The following CNTNAP5 variants were observed in gnomAD, a reference collection of about 807,000 sequenced individuals.
CNTNAP5 encodes the protein contactin associated protein family member 5.
In CNTNAP5, 72 loss-of-function variants were observed where a neutral mutation model predicts 150.2. The observed-to-expected ratio is 0.48, with a 90% CI of 0.40 to 0.58. The LOEUF is 0.58. Ranked by LOEUF, CNTNAP5 falls within the 20% of genes least tolerant of loss-of-function variation. The pLI is 0.00. For synonymous variants in CNTNAP5, 672 were observed against 619.8 expected (o/e 1.08, Z -1.25); for missense variants, 1,636 against 1,626.2 (o/e 1.01, Z -0.10).
intron 21 of CNTNAP5, among the ~76,000 whole-genome samples, chr2:124,888,655 TG>T (rs1446735440): frequency 6.6e-6 from 1 of 152,110 alleles, no homozygotes; most frequent in Non-Finnish European, 1.5e-5. Flanking sequence ...TCATATGAGA[TG>T]GTATCTCATT....
At chr2:124,453,460 G>T (rs535852059) in intron 6 of CNTNAP5, among the ~76,000 whole-genome samples, 10 of 152,264 alleles carry the variant, frequency 6.6e-5, no homozygotes, top group Admixed American at 6.5e-4. Flanking sequence ...AAATATATTT[G>T]GGGGAATAAT....
rs983534358 is a variant in CNTNAP5, at chr2:124,608,611, A to T, written c.1757-1190A>T. ...ATAAACTGAACTTCGTTGTGCACTTACTACATGTTATGTACTATACTTAGT... is the reference window on the plus strand; with the variant it reads ...ATAAACTGAACTTCGTTGTGCACTTTCTACATGTTATGTACTATACTTAGT... On this transcript the variant is annotated intron_variant, in intron 11 of 23. Coordinates refer to ENST00000682447, the MANE Select transcript of CNTNAP5 (RefSeq NM_001367498.1). Among the ~76,000 whole-genome samples the T allele has an allele frequency of 1.3e-4, 20 of 152,260 alleles. No homozygotes were observed. The East Asian group carries it at 3.5e-3, about 27-fold the overall frequency.
chr2:124,780,730 C>T (rs1681432190), intron 17 of CNTNAP5, among the ~76,000 whole-genome samples: 1 of 152,146 alleles, frequency 6.6e-6, no homozygotes, highest in Non-Finnish European at 1.5e-5. Context: ...GTGCCCAGAC[C>T]AGAAATGGGA....
intron 12 of CNTNAP5, among the ~76,000 whole-genome samples, chr2:124,621,551 A>G (rs1026401893): frequency 2.6e-5 from 4 of 152,212 alleles, no homozygotes; most frequent in African/African-American, 9.6e-5. Context: ...GAAAGCTGCA[A>G]TTGAGGTCTC....
intron 6 of CNTNAP5, among the ~76,000 whole-genome samples, chr2:124,474,093 C>G (rs550013507): frequency 4.8e-4 from 73 of 152,144 alleles, no homozygotes; most frequent in Non-Finnish European, 8.7e-4. Flanking sequence ...TGACATCATA[C>G]TTTATACCCA....
At chr2:124,713,927 A>G (rs1170785858) in intron 13 of CNTNAP5, among the ~76,000 whole-genome samples, 1 of 152,094 alleles carries the variant, frequency 6.6e-6, no homozygotes, top group Non-Finnish European at 1.5e-5. Flanking sequence ...CTGTACTTCA[A>G]CGTTGCCTAA....
intron 7 of CNTNAP5, among the ~76,000 whole-genome samples, chr2:124,484,254 TTATTC>T (rs1693820914): frequency 6.6e-6 from 1 of 152,292 alleles, no homozygotes; most frequent in African/African-American, 2.4e-5. Flanking sequence ...ACAACAAACT[TTATTC>T]TAGTCTATTT....
chr2:124,135,515 A>G (rs1281894889), intron 1 of CNTNAP5, among the ~76,000 whole-genome samples: 2 of 152,244 alleles, frequency 1.3e-5, no homozygotes, highest in Non-Finnish European at 2.9e-5. Flanking sequence ...TAGGAAAAAA[A>G]AATTAGAAAA....
At chr2:124,040,621 C>CTGTGTG (rs58364625) in intron 1 of CNTNAP5, among the ~76,000 whole-genome samples, 29,082 of 144,900 alleles carry the variant, frequency 0.2, 3,170 homozygotes, top group South Asian at 0.32. Context: ...CTGTATGCCT[C>CTGTGTG]TGTGTGTGTG....
chr2:124,057,825 G>C (rs1331374901), intron 1 of CNTNAP5, among the ~76,000 whole-genome samples: 1 of 151,960 alleles, frequency 6.6e-6, no homozygotes, highest in African/African-American at 2.4e-5. Context: ...ACAAAAAGTA[G>C]TTAATTGTTT....
intron 13 of CNTNAP5, among the ~76,000 whole-genome samples, chr2:124,708,558 A>C (rs1679742434): frequency 6.6e-6 from 1 of 152,224 alleles, no homozygotes; most frequent in African/African-American, 2.4e-5. Context: ...TGGAGGTACA[A>C]GGAAAACACT....
chr2:124,292,202 C>T (rs1001627769), intron 3 of CNTNAP5, among the ~76,000 whole-genome samples: 2 of 151,804 alleles, frequency 1.3e-5, no homozygotes, highest in Non-Finnish European at 2.9e-5. Flanking sequence ...TTTTTATTCC[C>T]ATTCAATATT....
intron 6 of CNTNAP5, among the ~76,000 whole-genome samples, chr2:124,471,840 AGTTCT>A (rs1693523520): frequency 6.6e-6 from 1 of 151,924 alleles, no homozygotes. Context: ...TTTTGTCTTT[AGTTCT>A]GTTTATCCAC....
chr2:124,349,365 T>C (rs762843217), intron 3 of CNTNAP5, among the ~76,000 whole-genome samples: 8 of 152,226 alleles, frequency 5.3e-5, no homozygotes, highest in Middle Eastern at 3.2e-3. Flanking sequence ...TATAATTTTA[T>C]GAGACCACCA....
chr2:124,795,456 T>A (rs72847364), intron 18 of CNTNAP5, among the ~76,000 whole-genome samples: 1 of 152,090 alleles, frequency 6.6e-6, no homozygotes, highest in Non-Finnish European at 1.5e-5. Context: ...CGCTAACACA[T>A]CAAGCCCAAG....
At chr2:124,755,920 TA>T (rs1680831097) in intron 14 of CNTNAP5, among the ~76,000 whole-genome samples, 1 of 152,212 alleles carries the variant, frequency 6.6e-6, no homozygotes, top group Non-Finnish European at 1.5e-5. Flanking sequence ...TGTCACTTAT[TA>T]ACTAGAAAGC....
intron 3 of CNTNAP5, among the ~76,000 whole-genome samples, chr2:124,253,104 T>C (rs1448559216): frequency 6.6e-6 from 1 of 151,846 alleles, no homozygotes; most frequent in Non-Finnish European, 1.5e-5. Context: ...ACATCATCCA[T>C]GGGTTCCTGG....
At chr2:124,706,937 AAGAAGGAGGAGGAGG>A (rs1679674227) in intron 13 of CNTNAP5, among the ~76,000 whole-genome samples, 1 of 100,910 alleles carries the variant, frequency 9.9e-6, no homozygotes, top group Non-Finnish European at 2.2e-5. Flanking sequence ...GAAGAAGAAG[AAGAAGGAGGAGGAGG>A]AGGAGGAGGA....
At chr2:124,216,428 G>A (rs1301603709) in intron 1 of CNTNAP5, among the ~76,000 whole-genome samples, 6 of 151,634 alleles carry the variant, frequency 4.0e-5, no homozygotes, top group African/African-American at 1.5e-4. Context: ...CAGGGTACAT[G>A]TGCACAACGT....
Sources: gnomAD v4.1 joint callset for allele counts (sites outside exome capture counted in the v4.1 genomes callset) on GRCh38, gnomAD v4.1.1 for gene constraint, MANE v1.5 for transcripts, NCBI Gene and HGNC (gene_info 2026-07-23, HGNC 2026-07-21) for gene names.